Variants in TRABD2B observed in about 807,000 individuals in gnomAD.
TRABD2B encodes the protein TraB domain containing 2B, also known as metalloprotease TIKI2.
Under a neutral mutation model 40.1 loss-of-function variants are expected in TRABD2B, and 14 were observed. That is an observed-to-expected ratio of 0.35 (90% confidence interval 0.23 to 0.55). The LOEUF is 0.55. Ranked by LOEUF, TRABD2B falls within the 20% of genes least tolerant of loss-of-function variation. The pLI is 0.90. For synonymous variants in TRABD2B, 263 were observed against 277.0 expected, an observed-to-expected ratio of 0.95 and a Z score of 0.50; for missense variants, 541 against 648.6, an observed-to-expected ratio of 0.83 and a Z score of 1.80.
chr1:47,765,815 C>T lies in TRABD2B; in HGVS notation c.*87G>A, dbSNP rs771914603. 1 of 702,500 alleles carries T rather than the reference C, an allele frequency of 1.4e-6. No homozygotes were observed. Among genetic ancestry groups the T allele is most frequent in the Non-Finnish European group, 2.6e-6 (1 of 384,862 alleles). The allele number at this position is 702,500 out of a possible 1,614,324, so 43.5% of individuals were successfully genotyped here. ...TGGACTGCCCTCGACGTGTTGGGCA[C>T]CCCCTGGAGGTGGTGGCAGGAGCAG... On this transcript the variant is annotated 3_prime_UTR_variant, in exon 7 of 7. Coordinates refer to ENST00000606738, the MANE Select transcript of TRABD2B (RefSeq NM_001194986.2).
At chr1:47,932,433 C>T (rs12062918) in intron 2 of TRABD2B, among the ~76,000 whole-genome samples, 22,533 of 152,060 alleles carry the variant, frequency 0.15, 1,917 homozygotes, top group East Asian at 0.36. Context: ...GACAGACGTC[C>T]GTGGAGGAGC....
chr1:47,952,231 G>A (rs1311129078), intron 2 of TRABD2B, among the ~76,000 whole-genome samples: 10 of 152,280 alleles, frequency 6.6e-5, no homozygotes, highest in Non-Finnish European at 1.5e-5. Context: ...TGCTCCTGTT[G>A]AGCTCCTATC....
In TRABD2B at chr1:47,866,039, T is replaced by C. The variant is rs574592186; in HGVS notation, c.667-64420A>G. Among the ~76,000 whole-genome samples the C allele has an allele frequency of 4.6e-5, 6 of 130,540 alleles. No homozygotes were observed. In the Admixed American group the frequency reaches 4.6e-4, roughly 10 times the overall value. The allele number at this position is 130,540 out of a possible 152,430, so 85.6% of individuals were successfully genotyped here. A position where few individuals can be genotyped will look rare whatever the true frequency, so the allele number is the denominator to read the frequency against. On this transcript the variant is annotated intron_variant, in intron 2 of 6. Transcript: ENST00000606738. ...GGCTCTAGTAGAGTGCATGAGTAAGTACTTTGACTCTTGTTAATCATCATC... is the reference window on the plus strand; with the variant it reads ...GGCTCTAGTAGAGTGCATGAGTAAGCACTTTGACTCTTGTTAATCATCATC...
At position 47,813,685 on chromosome 1, in the gene TRABD2B, G is replaced by A. The variant is rs775203219; in HGVS notation, c.667-12066C>T. Among the ~76,000 whole-genome samples the A allele has an allele frequency of 6.6e-6, 1 of 152,080 alleles. No homozygotes were observed. Among genetic ancestry groups the A allele is most frequent in the Non-Finnish European group, 1.5e-5 (1 of 68,030 alleles). On this transcript the variant is annotated intron_variant, in intron 2 of 6. Coordinates refer to ENST00000606738, the MANE Select transcript of TRABD2B (RefSeq NM_001194986.2). The surrounding 1 kb of genome is among the most constrained non-coding windows in gnomAD (Gnocchi z 4.3). ...GTAAAGCAATATTGCCCTTCCTTAG[G>A]ACACATACCCACACCCACACACACA...
rs530028324 is a variant in TRABD2B at position 47,996,199 on chromosome 1, G to C, written c.102+489C>G. 6.6e-6 allele frequency among the ~76,000 whole-genome samples: 1 copy of C among 152,122 alleles called. No individual in the cohort carries two copies. Among genetic ancestry groups the C allele is most frequent in the African/African-American group, 2.4e-5 (1 of 41,422 alleles). ...GATGGAGGTGAGAACGAGGAACAGG[G>C]AGAAAGTTTGTCTTAGGTCAGAGTG... On this transcript the variant is annotated intron_variant, in intron 1 of 6. Coordinates refer to ENST00000606738, the MANE Select transcript of TRABD2B (RefSeq NM_001194986.2). This position sits in a 1 kb window ranked among gnomAD's most constrained non-coding sequence, Gnocchi z 4.6.
chr1:47,829,630 C>T (rs1645223281), intron 2 of TRABD2B, among the ~76,000 whole-genome samples: 1 of 152,174 alleles, frequency 6.6e-6, no homozygotes, highest in South Asian at 2.1e-4. Flanking sequence ...ATGCTCAGGC[C>T]ACTTTCCTGG....
chr1:47,866,417 A>G (rs1209286400), intron 2 of TRABD2B, among the ~76,000 whole-genome samples: 2 of 151,800 alleles, frequency 1.3e-5, no homozygotes, highest in Non-Finnish European at 2.9e-5. Flanking sequence ...AGGCATCTTG[A>G]CCATTTCTCT....
intron 2 of TRABD2B, among the ~76,000 whole-genome samples, chr1:47,878,368 A>G (rs1464416641): frequency 2.0e-5 from 3 of 152,232 alleles, no homozygotes; most frequent in Admixed American, 1.3e-4. Flanking sequence ...TGAGTAGGTT[A>G]TAATGAGACA....
chr1:47,916,791 C>G (rs997780645), intron 2 of TRABD2B, among the ~76,000 whole-genome samples: 1 of 152,206 alleles, frequency 6.6e-6, no homozygotes, highest in Non-Finnish European at 1.5e-5. Flanking sequence ...CTATTCAAAC[C>G]CACTTCACAG....
chr1:47,777,478 A>C (rs1045466207), intron 5 of TRABD2B, among the ~76,000 whole-genome samples: 1 of 152,146 alleles, frequency 6.6e-6, no homozygotes, highest in Non-Finnish European at 1.5e-5. Context: ...GTAATAGTTC[A>C]GGGAGGCCCT....
intron 2 of TRABD2B, among the ~76,000 whole-genome samples, chr1:47,986,891 G>A (rs547313116): frequency 3.9e-4 from 59 of 152,290 alleles, no homozygotes; most frequent in African/African-American, 1.3e-3. Context: ...CTCGGCCACC[G>A]GCTGCCTGTG....
intron 2 of TRABD2B, among the ~76,000 whole-genome samples, chr1:47,930,120 C>T (rs1164562206): frequency 6.6e-6 from 1 of 152,202 alleles, no homozygotes; most frequent in Non-Finnish European, 1.5e-5. Flanking sequence ...TGGGGAACAG[C>T]ACACCCTTCC....
Position 47,994,155 on chromosome 1 carries a change from C to T in TRABD2B, c.545G>A (p.Gly182Asp). The T allele has an allele frequency of 6.5e-7, 1 of 1,536,620 alleles. No individual in the cohort carries two copies. Among genetic ancestry groups the T allele is most frequent in the East Asian group, 2.4e-5 (1 of 40,926 alleles). Reference sequence around the variant, plus strand: ...CAGGTAGAGGTCGAGCACGGGCACACCACGGAAGCGCACGTCCCTCTCTGT... The same window carrying T: ...CAGGTAGAGGTCGAGCACGGGCACATCACGGAAGCGCACGTCCCTCTCTGT... ...SLTERDVRFRGVPVLDLYLAQ... is the reference protein window; with the variant it reads ...SLTERDVRFRDVPVLDLYLAQ... The change falls in exon 2 of 7, where the codon GGT becomes GAT. Residue 182 changes from glycine to aspartate, a missense_variant. Physicochemically the swap from Gly to Asp is moderately conservative, Grantham distance 94. Around this residue, in one of 2 missense-constraint regions of TRABD2B, gnomAD observed 369 missense variants for 492.8 expected, o/e 0.75. Coordinates refer to ENST00000606738, the MANE Select transcript of TRABD2B (RefSeq NM_001194986.2). This position sits in a 1 kb window ranked among gnomAD's most constrained non-coding sequence, Gnocchi z 6.7.
At chr1:47,814,457 C>T (rs1645003791) in intron 2 of TRABD2B, among the ~76,000 whole-genome samples, 2 of 152,198 alleles carry the variant, frequency 1.3e-5, no homozygotes. Context: ...GAGAAGGCCC[C>T]ACTTGGGCCC....
chr1:47,985,803 C>A (rs1645911152), intron 2 of TRABD2B, among the ~76,000 whole-genome samples: 1 of 152,232 alleles, frequency 6.6e-6, no homozygotes, highest in Admixed American at 6.5e-5. Context: ...GGATAAAAGT[C>A]TTGCTGTAAA....
intron 2 of TRABD2B, among the ~76,000 whole-genome samples, chr1:47,979,474 G>A (rs1645809133): frequency 6.6e-6 from 1 of 152,152 alleles, no homozygotes. Context: ...TATGGTTTAT[G>A]GTTTACCAAC....
At chr1:47,943,757 AACAC>A (rs10554684) in intron 2 of TRABD2B, among the ~76,000 whole-genome samples, 52,315 of 146,588 alleles carry the variant, frequency 0.36, 9,734 homozygotes, top group South Asian at 0.5. Context: ...GCATCCAGAA[AACAC>A]ACACACACAC....
At chr1:47,783,486 G>C (rs1397675101) in intron 4 of TRABD2B, among the ~76,000 whole-genome samples, 1 of 152,158 alleles carries the variant, frequency 6.6e-6, no homozygotes, top group Non-Finnish European at 1.5e-5. Flanking sequence ...AGGATGGGTG[G>C]GATTCAGATG....
intron 2 of TRABD2B, among the ~76,000 whole-genome samples, chr1:47,875,674 C>CAAA (rs10541556): frequency 1.6e-4 from 12 of 75,930 alleles, no homozygotes; most frequent in African/African-American, 4.1e-4. Flanking sequence ...AACCCTGTCT[C>CAAA]AAAAAAAAAA....
Sources: gnomAD v4.1 joint callset for allele counts (sites outside exome capture counted in the v4.1 genomes callset) on GRCh38, gnomAD v4.1.1 for gene constraint, gnomAD v4.1.1 regional missense constraint, Gnocchi (gnomAD v3.1) non-coding constraint, MANE v1.5 for transcripts, NCBI Gene and HGNC (gene_info 2026-07-23, HGNC 2026-07-21) for gene names.